Variants in MS4A15 observed in about 807,000 individuals in gnomAD.
The protein encoded by MS4A15 is membrane-spanning 4-domains subfamily A member 15.
In MS4A15, 22 loss-of-function variants were observed where a neutral mutation model predicts 20.6. The observed-to-expected ratio is 1.07, with a 90% CI of 0.76 to 1.52. MS4A15 has a LOEUF of 1.52. Ranked by LOEUF, MS4A15 falls within the 40% of genes most tolerant of loss-of-function variation. The pLI is 0.00. For synonymous variants in MS4A15, 129 were observed against 129.3 expected (o/e 1.00, Z 0.02); for missense variants, 312 against 323.0 (o/e 0.97, Z 0.26).
chr11:60,757,966 T>C (rs759283338), intron 1 of MS4A15, among the ~76,000 whole-genome samples: 6 of 152,176 alleles, frequency 3.9e-5, no homozygotes, highest in Admixed American at 1.3e-4. Context: ...GTGAAAACAG[T>C]GTACATTCAC....
rs1186265609 is a variant in MS4A15, at chr11:60,771,233, G to A, written c.349-58G>A. The stretch of plus-strand genomic sequence containing the variant: ...GCACCTCTTGACAGATCCCAAGCAG[G>A]GTCTGCCCTGCCCAGGGTCCTGGCT... On this transcript the variant is annotated intron_variant, in intron 3 of 6. Coordinates refer to ENST00000405633, the MANE Select transcript of MS4A15 (RefSeq NM_001098835.2). 8.1e-6 allele frequency: 13 copies of A among 1,599,604 alleles called. No homozygotes were observed. In the East Asian group the frequency reaches 2.2e-4, roughly 28 times the overall value.
intron 4 of MS4A15, chr11:60,771,597 C>T (rs944568884): frequency 5.3e-6 from 8 of 1,505,956 alleles, no homozygotes; most frequent in Admixed American, 2.0e-5. Context: ...ATGGTCATTC[C>T]GAGAAAGGAA....
At position 60,775,874 on chromosome 11, in the gene MS4A15, AC is replaced by A. The variant is rs1854182205; in HGVS notation, c.*160del. On this transcript the variant is annotated 3_prime_UTR_variant, in exon 7 of 7. Coordinates refer to ENST00000405633, the MANE Select transcript of MS4A15 (RefSeq NM_001098835.2). Reference sequence around the variant, plus strand: ...GCATCTGAGTGAAGTGTCCCCAGGGACATCTCTCCCACACTTTCCCCAGTGC... The same window carrying A: ...GCATCTGAGTGAAGTGTCCCCAGGGAATCTCTCCCACACTTTCCCCAGTGC... The A allele has an allele frequency of 1.7e-6, 1 of 584,470 alleles. No homozygotes were observed. Among genetic ancestry groups the A allele is most frequent in the South Asian group, 2.3e-5 (1 of 43,318 alleles). The allele number at this position is 584,470 out of a possible 1,614,324, so 36.2% of individuals were successfully genotyped here.
At chr11:60,773,575 A>G (rs1854100405) in intron 5 of MS4A15, 91 bp downstream of exon 5, 1 of 1,223,400 alleles carries the variant, frequency 8.2e-7, no homozygotes, top group African/African-American at 1.5e-5. Flanking sequence ...TTGCAGCGCC[A>G]GGACGTTGGC....
rs1314459543 is a variant in MS4A15, at chr11:60,763,755, A to G, written c.22A>G (p.Asn8Asp). 23 of 1,612,150 alleles carry G rather than the reference A, an allele frequency of 1.4e-5. No individual in the cohort carries two copies. The highest frequency in any genetic ancestry group is 1.9e-5 in the Non-Finnish European group (22 of 1,179,898). ...CACGATGTCTGCAGCTCCCGCCAGC[A>G]ATGGAGTGTTTGTTGTCATCCCGCC... MSAAPASNGVFVVIPPNN... is the reference protein window; with the variant it reads MSAAPASDGVFVVIPPNN... The change falls in exon 2 of 7, where the codon AAT (asparagine) becomes GAT (aspartate). Residue 8 changes from asparagine (N) to aspartate (D), a missense_variant. Physicochemically the swap from Asn to Asp is conservative, Grantham distance 23. Transcript: ENST00000405633.
intron 2 of MS4A15, 29 bp downstream of exon 2, chr11:60,763,987 G>A (rs1853818954): frequency 1.3e-6 from 2 of 1,574,498 alleles, no homozygotes; most frequent in Non-Finnish European, 1.7e-6. Context: ...CACAACCTGA[G>A]GCAGGTAGTG....
chr11:60,760,070 G>A (rs1365596890), intron 1 of MS4A15, among the ~76,000 whole-genome samples: 3 of 152,212 alleles, frequency 2.0e-5, no homozygotes, highest in African/African-American at 4.8e-5. Context: ...CACCTGACGA[G>A]AAATACCCAC....
rs919614807 is a variant in MS4A15, at chr11:60,776,009, C to T, written c.*294C>T. 1.5e-5 allele frequency: 4 copies of T among 260,346 alleles called. No individual in the cohort carries two copies. The highest frequency in any genetic ancestry group is 6.5e-5 in the African/African-American group (3 of 46,104). The allele number at this position is 260,346 out of a possible 1,614,324, so 16.1% of individuals were successfully genotyped here. On this transcript the variant is annotated 3_prime_UTR_variant, in exon 7 of 7. Coordinates refer to ENST00000405633, the MANE Select transcript of MS4A15 (RefSeq NM_001098835.2). ...CCTTGTGCATCTAAGCATTTCTCTG[C>T]TCATTGGGGAAATCCTGGCCTCATT...
At chr11:60,763,604 T>G (rs1853802317) in intron 1 of MS4A15, 102 bp from the exon 2 acceptor site, 1 of 945,824 alleles carries the variant, frequency 1.1e-6, no homozygotes, top group East Asian at 2.6e-5. Flanking sequence ...GGGGCCATAC[T>G]GGCAGGGCTG....
intron 2 of MS4A15, among the ~76,000 whole-genome samples, chr11:60,767,301 C>T (rs537205737): frequency 8.9e-4 from 136 of 152,342 alleles, no homozygotes; most frequent in African/African-American, 2.8e-3. Flanking sequence ...AGGAGGCAGG[C>T]TGGCTGAGAG....
rs367549781 is a variant in MS4A15, at chr11:60,757,836, G to A, written c.-29+778G>A. Among the ~76,000 whole-genome samples the A allele has an allele frequency of 6.4e-4, 97 of 152,328 alleles. No individual in the cohort carries two copies. The South Asian group carries it at 0.018, about 29-fold the overall frequency. Reference sequence around the variant, plus strand: ...TTAGTAGAGGGGTGCCTCCAAGAGGGACTTAGGAAGGGAGACTCTGAGGCG... The same window carrying A: ...TTAGTAGAGGGGTGCCTCCAAGAGGAACTTAGGAAGGGAGACTCTGAGGCG... On this transcript the variant is annotated intron_variant, in intron 1 of 6. Coordinates refer to ENST00000405633, the MANE Select transcript of MS4A15 (RefSeq NM_001098835.2).
intron 2 of MS4A15, among the ~76,000 whole-genome samples, chr11:60,765,689 G>A (rs1008728341): frequency 1.3e-4 from 20 of 152,172 alleles, no homozygotes; most frequent in South Asian, 6.2e-4. Flanking sequence ...GCTTTGTGGC[G>A]TCCAGGACCT....
At chr11:60,766,118 C>T (rs546351826) in intron 2 of MS4A15, among the ~76,000 whole-genome samples, 14 of 152,322 alleles carry the variant, frequency 9.2e-5, no homozygotes, top group Admixed American at 2.0e-4. Context: ...CAGTGGCCCA[C>T]GCCTGTAATC....
chr11:60,763,997 G>A, intron 2 of MS4A15, 39 bp downstream of exon 2: 1 of 1,552,834 alleles, frequency 6.4e-7, no homozygotes, highest in Non-Finnish European at 8.8e-7. Flanking sequence ...GGCAGGTAGT[G>A]AGTATCCCAG....
chr11:60,761,168 T>A (rs2134701454), intron 1 of MS4A15, among the ~76,000 whole-genome samples: 1 of 152,354 alleles, frequency 6.6e-6, no homozygotes, highest in South Asian at 2.1e-4. Context: ...TGGATGCCCC[T>A]GTCTTACCCT....
chr11:60,773,377 C>G lies in MS4A15; in HGVS notation c.406-15C>G. The G allele has an allele frequency of 6.2e-7, 1 of 1,606,534 alleles. No homozygotes were observed. Among genetic ancestry groups the G allele is most frequent in the Non-Finnish European group, 8.5e-7 (1 of 1,175,770 alleles). On this transcript the variant is annotated splice_polypyrimidine_tract_variant and intron_variant, in intron 4 of 6. Coordinates refer to ENST00000405633, the MANE Select transcript of MS4A15 (RefSeq NM_001098835.2). The stretch of plus-strand genomic sequence containing the variant: ...TTGCCTATTCCCTCTGCTCCTGTCT[C>G]TCTGCTCTCTGCAGGTGAGGAGCAG...
intron 2 of MS4A15, among the ~76,000 whole-genome samples, chr11:60,765,069 G>C (rs111419632): frequency 6.6e-6 from 1 of 152,222 alleles, no homozygotes; most frequent in African/African-American, 2.4e-5. Flanking sequence ...AAACACAGAA[G>C]TGAAGTAGAG....
intron 3 of MS4A15, among the ~76,000 whole-genome samples, chr11:60,768,225 G>C (rs1853931984): frequency 6.6e-6 from 1 of 152,104 alleles, no homozygotes; most frequent in South Asian, 2.1e-4. Flanking sequence ...AGGGCATCAG[G>C]GCTGGGTCCA....
rs532968780 is a variant in MS4A15 at position 60,768,383 on chromosome 11, C to T, written c.348+728C>T. Among the ~76,000 whole-genome samples the T allele has an allele frequency of 1.8e-4, 27 of 152,306 alleles. 1 individual carries two copies. Among genetic ancestry groups the T allele is most frequent in the African/African-American group, 6.3e-4 (26 of 41,560 alleles). On this transcript the variant is annotated intron_variant, in intron 3 of 6. Coordinates refer to ENST00000405633, the MANE Select transcript of MS4A15 (RefSeq NM_001098835.2). ...AGCTCTGAAGCCCCTGAGCCCATTC[C>T]TTTGACCTCCTTCCGGCCAAACTGG...
Sources: gnomAD v4.1 joint callset for allele counts (sites outside exome capture counted in the v4.1 genomes callset) on GRCh38, gnomAD v4.1.1 for gene constraint, MANE v1.5 for transcripts, NCBI Gene and HGNC (gene_info 2026-07-23, HGNC 2026-07-21) for gene names.